The following TMPRSS7 variants were observed in gnomAD, a reference collection of about 807,000 sequenced individuals.
TMPRSS7 encodes transmembrane serine protease 7, also known as transmembrane protease serine 7.
TMPRSS7 carries 81 observed loss-of-function variants against 95.6 expected under a neutral mutation model. The observed-to-expected ratio is 0.85, with a 90% CI of 0.71 to 1.02. The LOEUF (loss-of-function observed/expected upper bound fraction) is 1.02. TMPRSS7 is among the 50% of genes least tolerant of loss of function. The pLI is 0.00. For synonymous variants in TMPRSS7, 364 were observed against 337.8 expected (o/e 1.08, Z -0.85); for missense variants, 945 against 955.2 (o/e 0.99, Z 0.14).
exon 16 of TMPRSS7, chr3:112,077,068 C>T (rs1215592070): frequency 1.9e-6 from 3 of 1,614,220 alleles, no homozygotes; most frequent in Admixed American, 3.3e-5. Flanking sequence ...AGCCAATATG[C>T]ATTCCTCCCA....
chr3:112,045,947 ATTGTT>A lies in TMPRSS7; in HGVS notation c.691+5_691+9del. 6.5e-7 allele frequency: 1 copy of A among 1,543,744 alleles called. No individual in the cohort carries two copies. ...ATGGACTCTGTGGTACTAAATGGTG[ATTGTT>A]GGGTAATTTTCCTTTAGCATTCCTT... On this transcript the variant is annotated splice_donor_5th_base_variant and intron_variant, in intron 5 of 17. Coordinates refer to ENST00000452346, the Ensembl canonical transcript of TMPRSS7.
At chr3:112,077,025 T>C in exon 16 of TMPRSS7, 1 of 1,614,198 alleles carries the variant, frequency 6.2e-7, no homozygotes, top group South Asian at 1.1e-5. Context: ...CAGCTCAGTA[T>C]TGCCTGGCCT....
rs61097993 is a variant in TMPRSS7 at position 112,051,668 on chromosome 3, C to CTATCATCTATCTATCTATCTATCT, written c.1203+885_1203+886insTATCATCTATCTATCTATCTATCT. Among the ~76,000 whole-genome samples, 98 of 128,074 alleles carry CTATCATCTATCTATCTATCTATCT rather than the reference C, an allele frequency of 7.7e-4. 2 individuals carry two copies. The highest frequency in any genetic ancestry group is 1.7e-3 in the Admixed American group (21 of 12,404). The allele number at this position is 128,074 out of a possible 152,430, so 84.0% of individuals were successfully genotyped here. A position where few individuals can be genotyped will look rare whatever the true frequency, so the allele number is the denominator to read the frequency against. The stretch of plus-strand genomic sequence containing the variant: ...TCTATCTATCTATCTATCTATCTAT[C>CTATCATCTATCTATCTATCTATCT]ATCTATCTATCTATCTATCTATCTA... On this transcript the variant is annotated intron_variant, in intron 9 of 17. Coordinates refer to ENST00000452346, the Ensembl canonical transcript of TMPRSS7.
intron 2 of TMPRSS7, among the ~76,000 whole-genome samples, chr3:112,041,666 C>T (rs769677984): frequency 2.6e-5 from 4 of 152,136 alleles, no homozygotes; most frequent in Non-Finnish European, 5.9e-5. Context: ...ACACAAGGGC[C>T]ATGAGATCCT....
intron 9 of TMPRSS7, among the ~76,000 whole-genome samples, chr3:112,051,399 G>A (rs534113224): frequency 7.9e-4 from 121 of 152,204 alleles, no homozygotes; most frequent in Non-Finnish European, 1.4e-3. Context: ...ATATACTTCA[G>A]TATCTGAGAA....
chr3:112,051,959 G>C (rs2073366025), intron 9 of TMPRSS7, among the ~76,000 whole-genome samples: 1 of 152,070 alleles, frequency 6.6e-6, no homozygotes, highest in African/African-American at 2.4e-5. Flanking sequence ...TATGGGCCAG[G>C]CACTCAGGCA....
chr3:112,075,494 T>C lies in TMPRSS7; in HGVS notation c.1955+2T>C. On this transcript the variant is annotated splice_donor_variant, in intron 15 of 17. Transcript: ENST00000452346. LOFTEE classifies it high-confidence loss of function. ...AGCCCACTGTTTTCATGGAAACAGG[T>C]AGGGCCTCACGGTCCTTACTTTCAA... 6.9e-7 allele frequency: 1 copy of C among 1,456,758 alleles called. No individual in the cohort carries two copies. The allele number at this position is 1,456,758 out of a possible 1,614,324, so 90.2% of individuals were successfully genotyped here.
intron 13 of TMPRSS7, among the ~76,000 whole-genome samples, chr3:112,069,996 T>A (rs951946982): frequency 6.6e-6 from 1 of 152,248 alleles, no homozygotes; most frequent in Non-Finnish European, 1.5e-5. Context: ...CACACCGCTT[T>A]AAATGTGTCC....
chr3:112,047,746 CT>C lies in TMPRSS7; in HGVS notation c.739del (p.Cys247AlafsTer25), dbSNP rs1172863932. ...ATGGTGCTGTCTCCACAGACAAAGG[CT>C]GCTCTCAGTACTTCTATGCAGAGCA... is the stretch of plus-strand genomic sequence containing the variant. On this transcript the variant is annotated frameshift_variant, in exon 7 of 18. Transcript: ENST00000452346. LOFTEE classifies it high-confidence loss of function. The C allele has an allele frequency of 6.2e-7, 1 of 1,611,052 alleles. No individual in the cohort carries two copies. The highest frequency in any genetic ancestry group is 1.3e-5 in the African/African-American group (1 of 74,864).
chr3:112,036,566 C>CAA (rs1303902803), intron 1 of TMPRSS7, among the ~76,000 whole-genome samples: 3 of 124,716 alleles, frequency 2.4e-5, no homozygotes, highest in Non-Finnish European at 5.1e-5. Context: ...AAAACTCTGT[C>CAA]AAAAAAAAAA....
Position 112,074,287 on chromosome 3 carries a change from C to A in TMPRSS7, c.1667-9C>A. 6.3e-7 allele frequency: 1 copy of A among 1,592,642 alleles called. No homozygotes were observed. The highest frequency in any genetic ancestry group is 1.1e-5 in the South Asian group (1 of 89,710). ...AAGGAAAGCTGTTTCTTCTTTTGTC[C>A]ATTGTTAGGTATTCCATGCAACAAC... On this transcript the variant is annotated splice_polypyrimidine_tract_variant and intron_variant, in intron 13 of 17. Transcript: ENST00000452346.
intron 9 of TMPRSS7, among the ~76,000 whole-genome samples, chr3:112,051,970 C>T (rs776417161): frequency 1.2e-4 from 18 of 152,168 alleles, no homozygotes; most frequent in East Asian, 1.9e-4. Context: ...CACTCAGGCA[C>T]GATTCCAGAT....
intron 14 of TMPRSS7, among the ~76,000 whole-genome samples, chr3:112,074,760 A>G (rs2107762631): frequency 6.6e-6 from 1 of 152,332 alleles, no homozygotes; most frequent in Admixed American, 6.5e-5. Flanking sequence ...TGTTACTAAC[A>G]ATATCAAGTG....
At chr3:112,037,310 G>A (rs779724417) in intron 1 of TMPRSS7, among the ~76,000 whole-genome samples, 16 of 152,284 alleles carry the variant, frequency 1.1e-4, no homozygotes, top group South Asian at 2.1e-4. Flanking sequence ...TAAAATGGCC[G>A]TCTAGGAGTG....
intron 2 of TMPRSS7, among the ~76,000 whole-genome samples, chr3:112,040,022 C>T (rs757676846): frequency 2.0e-5 from 3 of 152,108 alleles, no homozygotes; most frequent in Non-Finnish European, 2.9e-5. Flanking sequence ...TGGAGAGTTG[C>T]TTGGTGTGCG....
chr3:112,047,911 T>C (rs1338406649), exon 7 of TMPRSS7: 2 of 1,614,044 alleles, frequency 1.2e-6, no homozygotes, highest in African/African-American at 1.3e-5. Context: ...ACTGTGTCAC[T>C]GACTCCCTGA....
chr3:112,061,038 G>A (rs1032562561), intron 10 of TMPRSS7, among the ~76,000 whole-genome samples: 1 of 152,086 alleles, frequency 6.6e-6, no homozygotes, highest in African/African-American at 2.4e-5. Context: ...CCCAAGCCTT[G>A]TGTCTGCTGT....
At chr3:112,076,351 G>A (rs2073710060) in intron 15 of TMPRSS7, among the ~76,000 whole-genome samples, 1 of 152,206 alleles carries the variant, frequency 6.6e-6, no homozygotes, top group Admixed American at 6.5e-5. Context: ...GTGACCCTAT[G>A]AATGGGCATT....
chr3:112,037,731 TTC>T (rs1576093166), intron 1 of TMPRSS7, among the ~76,000 whole-genome samples: 2 of 152,254 alleles, frequency 1.3e-5, no homozygotes, highest in East Asian at 1.9e-4. Context: ...GCTTTAAAAT[TTC>T]TCTCTTTTGT....
Sources: gnomAD v4.1 joint callset for allele counts (sites outside exome capture counted in the v4.1 genomes callset) on GRCh38, gnomAD v4.1.1 for gene constraint, MANE v1.5 for transcripts, NCBI Gene and HGNC (gene_info 2026-07-23, HGNC 2026-07-21) for gene names.